The following FBXL13 variants were observed in gnomAD, a reference collection of about 807,000 sequenced individuals.
The protein encoded by FBXL13 is F-box and leucine-rich repeat protein 13.
FBXL13 carries 67 observed loss-of-function variants against 83.6 expected under a neutral mutation model. That is an observed-to-expected ratio of 0.80 (90% CI 0.66 to 0.98). The LOEUF (loss-of-function observed/expected upper bound fraction) is 0.98. FBXL13 is among the 50% of genes least tolerant of loss of function. The pLI, the probability that FBXL13 is intolerant of heterozygous loss-of-function variation, is 0.00. For missense variants in FBXL13, 822 were observed against 866.5 expected, an observed-to-expected ratio of 0.95 and a Z score of 0.64; for synonymous variants, 272 against 299.5, an observed-to-expected ratio of 0.91 and a Z score of 0.95.
At chr7:102,889,449 A>G (rs1811235946) in intron 11 of FBXL13, among the ~76,000 whole-genome samples, 1 of 152,146 alleles carries the variant, frequency 6.6e-6, no homozygotes. Context: ...TCTAGGGTAC[A>G]TGTGCACAAC....
At chr7:103,067,216 G>A (rs1006905345) in intron 1 of FBXL13, among the ~76,000 whole-genome samples, 1 of 152,294 alleles carries the variant, frequency 6.6e-6, no homozygotes, top group South Asian at 2.1e-4. Flanking sequence ...TTTAAATAAT[G>A]TTCAGTTGCT....
intron 14 of FBXL13, among the ~76,000 whole-genome samples, chr7:102,878,979 T>C (rs974906107): frequency 6.6e-6 from 1 of 152,200 alleles, no homozygotes; most frequent in African/African-American, 2.4e-5. Flanking sequence ...CTTCCCAAAC[T>C]ATCCTAATCA....
chr7:103,045,223 T>C (rs913854600), intron 2 of FBXL13, among the ~76,000 whole-genome samples: 2 of 152,228 alleles, frequency 1.3e-5, no homozygotes, highest in South Asian at 2.1e-4. Context: ...AGTGTATGAA[T>C]GGTTGAAGTA....
At chr7:102,933,236 G>A (rs1819565782) in intron 8 of FBXL13, 1 of 151,958 alleles carries the variant, frequency 6.6e-6, no homozygotes, top group Non-Finnish European at 1.5e-5. Flanking sequence ...CATCTCTGGA[G>A]CCCACACCCA....
At chr7:102,904,439 G>A (rs921397225) in intron 11 of FBXL13, among the ~76,000 whole-genome samples, 7 of 151,746 alleles carry the variant, frequency 4.6e-5, no homozygotes, top group Non-Finnish European at 8.8e-5. Flanking sequence ...TGCACAACGT[G>A]CAGGTTTGTT....
intron 17 of FBXL13, among the ~76,000 whole-genome samples, chr7:102,833,436 CT>C (rs763657766): frequency 0.03 from 3,969 of 134,540 alleles, 119 homozygotes; most frequent in East Asian, 0.15. Context: ...AGCCTGTTTC[CT>C]TTTTTTTTTT....
chr7:102,968,842 G>T (rs774535282), intron 6 of FBXL13, among the ~76,000 whole-genome samples: 16 of 152,150 alleles, frequency 1.1e-4, no homozygotes, highest in Non-Finnish European at 1.8e-4. Flanking sequence ...TACTGGCCAT[G>T]CAGAGACATA....
intron 6 of FBXL13, among the ~76,000 whole-genome samples, chr7:102,989,548 C>T (rs141686068): frequency 6.6e-6 from 1 of 152,294 alleles, no homozygotes; most frequent in African/African-American, 2.4e-5. Flanking sequence ...CAATTCAGCT[C>T]CTGCTCCACC....
intron 17 of FBXL13, among the ~76,000 whole-genome samples, chr7:102,845,665 A>G (rs2129449990): frequency 6.6e-6 from 1 of 152,116 alleles, no homozygotes; most frequent in Middle Eastern, 3.4e-3. Context: ...TCTCTAATCC[A>G]TTTCCTTCTC....
intron 17 of FBXL13, among the ~76,000 whole-genome samples, chr7:102,843,917 C>T (rs1327608399): frequency 6.6e-6 from 1 of 152,186 alleles, no homozygotes; most frequent in Non-Finnish European, 1.5e-5. Flanking sequence ...GTTTATACTC[C>T]ATAAGCCGAA....
chr7:102,967,726 C>A (rs1585173164), intron 7 of FBXL13, among the ~76,000 whole-genome samples: 1 of 152,190 alleles, frequency 6.6e-6, no homozygotes, highest in South Asian at 2.1e-4. Flanking sequence ...TGTAATAAAA[C>A]CAGAATGGAG....
chr7:102,930,202 G>C (rs1228274844), intron 9 of FBXL13, among the ~76,000 whole-genome samples: 1 of 152,184 alleles, frequency 6.6e-6, no homozygotes, highest in Non-Finnish European at 1.5e-5. Context: ...AGGTAGCAGG[G>C]AGGGGCCAAT....
chr7:102,883,660 A>C, exon 13 of FBXL13: 2 of 1,608,598 alleles, frequency 1.2e-6, no homozygotes, highest in Non-Finnish European at 1.7e-6. Context: ...CAGCGATGTA[A>C]TACGAGAGCA....
chr7:102,847,080 T>C (rs1185286907), intron 17 of FBXL13, among the ~76,000 whole-genome samples: 1 of 152,216 alleles, frequency 6.6e-6, no homozygotes, highest in East Asian at 1.9e-4. Flanking sequence ...ATACAGCAAC[T>C]CTCATTTATT....
rs760664427 is a variant in FBXL13 at position 103,055,769 on chromosome 7, G to A, written c.-104-22C>T. On this transcript the variant is annotated intron_variant, in intron 1 of 19. Transcript: ENST00000313221. Reference sequence around the variant, plus strand: ...GTGCCTAGGGGAAAAAAGGGAAATGGCATCAATGTTTCTGAATTTTCACGT... The same window carrying A: ...GTGCCTAGGGGAAAAAAGGGAAATGACATCAATGTTTCTGAATTTTCACGT... 48 of 1,069,246 alleles carry A rather than the reference G, an allele frequency of 4.5e-5. No individual in the cohort carries two copies. The Admixed American group carries it at 1.3e-3, about 29-fold the overall frequency. 66.2% of individuals were successfully genotyped at this position (1,069,246 alleles called of 1,614,324 possible). A position where few individuals can be genotyped will look rare whatever the true frequency, so the allele number is the denominator to read the frequency against.
chr7:102,942,415 ATTG>A, intron 8 of FBXL13: 1 of 1,326,496 alleles, frequency 7.5e-7, no homozygotes, highest in Non-Finnish European at 1.0e-6. Flanking sequence ...AATGCCAGAC[ATTG>A]TTGTGGAAAA....
intron 17 of FBXL13, among the ~76,000 whole-genome samples, chr7:102,844,130 C>A (rs936287671): frequency 5.3e-5 from 8 of 152,132 alleles, no homozygotes; most frequent in African/African-American, 1.9e-4. Context: ...TAAATACTAC[C>A]CACTGCATTC....
exon 1 of FBXL13, chr7:103,074,426 A>T: frequency 9.1e-7 from 1 of 1,094,496 alleles, no homozygotes. Context: ...GGGGTTTCCG[A>T]TCTGGGCCTT....
At chr7:103,046,598 C>A (rs1211430204) in intron 2 of FBXL13, among the ~76,000 whole-genome samples, 1 of 152,154 alleles carries the variant, frequency 6.6e-6, no homozygotes, top group East Asian at 1.9e-4. Flanking sequence ...AAGGCTGGTG[C>A]AAAATCCTTC....
Sources: allele counts gnomAD v4.1 joint callset (sites outside exome capture counted in the v4.1 genomes callset), GRCh38; gene constraint gnomAD v4.1.1; transcripts MANE v1.5; gene names NCBI Gene and HGNC (gene_info 2026-07-23, HGNC 2026-07-21).